Variants in JAK1 observed in about 807,000 individuals in gnomAD.
JAK1 encodes tyrosine-protein kinase JAK1.
JAK1 carries 16 observed loss-of-function variants against 136.6 expected under a neutral mutation model. The observed-to-expected ratio is 0.12, with a 90% CI of 0.08 to 0.18. JAK1 has a LOEUF of 0.18. JAK1 is among the 10% of genes least tolerant of loss of function. JAK1 has a pLI of 1.00. For synonymous variants in JAK1, 492 were observed against 519.5 expected (o/e 0.95, Z 0.72); for missense variants, 859 against 1,450.1 (o/e 0.59, Z 6.62).
intron 1 of JAK1, among the ~76,000 whole-genome samples, chr1:65,060,645 C>A (rs1388174420): frequency 6.6e-6 from 1 of 152,018 alleles, no homozygotes; most frequent in Non-Finnish European, 1.5e-5. Flanking sequence ...TCCCTAATAA[C>A]AAGCAGCAAA....
chr1:64,891,429 T>C (rs1292707470), intron 1 of JAK1, among the ~76,000 whole-genome samples: 1 of 152,174 alleles, frequency 6.6e-6, no homozygotes, highest in African/African-American at 2.4e-5. Flanking sequence ...CTTCCTTCTG[T>C]AGACTGAAAG....
chr1:64,981,936 C>T (rs540783132), intron 2 of JAK1, among the ~76,000 whole-genome samples: 1 of 152,260 alleles, frequency 6.6e-6, no homozygotes, highest in African/African-American at 2.4e-5. Flanking sequence ...GCAAACTAAA[C>T]AAACTATCCC....
intron 1 of JAK1, among the ~76,000 whole-genome samples, chr1:64,931,700 C>T (rs1280173341): frequency 1.3e-5 from 2 of 152,080 alleles, no homozygotes; most frequent in African/African-American, 4.8e-5. Context: ...CTCTGCCTAT[C>T]AAAACTCTGT....
At chr1:64,839,052 A>G (rs984435948) in intron 20 of JAK1, among the ~76,000 whole-genome samples, 2 of 147,770 alleles carry the variant, frequency 1.4e-5, no homozygotes, top group Non-Finnish European at 3.0e-5. Flanking sequence ...AGGCTGAGGC[A>G]GGAGAATGGC....
At chr1:64,874,115 T>C (rs1007523474) in intron 4 of JAK1, among the ~76,000 whole-genome samples, 3 of 152,192 alleles carry the variant, frequency 2.0e-5, no homozygotes, top group African/African-American at 7.2e-5. Flanking sequence ...TTATGTTATT[T>C]AATCTTCACA....
intron 17 of JAK1, among the ~76,000 whole-genome samples, chr1:64,842,077 C>T (rs534579966): frequency 6.6e-6 from 1 of 152,212 alleles, no homozygotes; most frequent in Admixed American, 6.5e-5. Context: ...AAACAATTAA[C>T]TCTTACATTA....
chr1:65,045,320 T>C (rs1647174879), intron 1 of JAK1, among the ~76,000 whole-genome samples: 1 of 152,240 alleles, frequency 6.6e-6, no homozygotes, highest in African/African-American at 2.4e-5. Context: ...GTGAAGGGTT[T>C]TTTTTTCTCC....
chr1:64,918,213 G>T (rs1645432898), intron 1 of JAK1, among the ~76,000 whole-genome samples: 1 of 152,122 alleles, frequency 6.6e-6, no homozygotes, highest in Non-Finnish European at 1.5e-5. Flanking sequence ...CTGAATGGTG[G>T]ATACATAGGT....
Position 64,873,518 on chromosome 1 carries a change from T to C in JAK1, c.335A>G (p.Tyr112Cys), listed in dbSNP as rs747503301. ...GTTGGTTCCATGCCAATTGGTGAAA[T>C]AGAACCTGGAAGGCAGGAAAATGAA... ...SLRLHYRMRFYFTNWHGTNDN... is the reference protein window; with the variant it reads ...SLRLHYRMRFCFTNWHGTNDN... Residue 112 changes from tyrosine to cysteine, a missense_variant, in exon 5 of 25, where the codon TAT (tyrosine) becomes TGT (cysteine). Coordinates refer to ENST00000342505, the MANE Select transcript of JAK1 (RefSeq NM_002227.4). 3 of 1,614,046 alleles carry C rather than the reference T, an allele frequency of 1.9e-6. No individual in the cohort carries two copies. Among genetic ancestry groups the C allele is most frequent in the East Asian group, 4.5e-5 (2 of 44,864 alleles).
At chr1:64,968,861 G>A (rs1569782378), upstream of JAK1, among the ~76,000 whole-genome samples, 2 of 149,390 alleles carry the variant, frequency 1.3e-5, no homozygotes, top group East Asian at 4.0e-4. Flanking sequence ...GAAGCCGGGA[G>A]GCAGAGTTTG....
At chr1:64,937,536 C>T (rs1038786798) in intron 1 of JAK1, among the ~76,000 whole-genome samples, 3 of 152,164 alleles carry the variant, frequency 2.0e-5, no homozygotes, top group Admixed American at 1.3e-4. Context: ...TGTTAAACTT[C>T]AATTATACAA....
At chr1:65,009,757 C>T (rs1024476151) in intron 2 of JAK1, among the ~76,000 whole-genome samples, 5 of 152,172 alleles carry the variant, frequency 3.3e-5, no homozygotes, top group African/African-American at 1.2e-4. Flanking sequence ...GATGAGGAAA[C>T]TGAAGTACAG....
At chr1:64,986,846 T>C (rs532284078) in intron 2 of JAK1, among the ~76,000 whole-genome samples, 1 of 152,156 alleles carries the variant, frequency 6.6e-6, no homozygotes, top group African/African-American at 2.4e-5. Context: ...CCCTCCAGCC[T>C]GGGTGACAGA....
chr1:65,039,681 C>T (rs973497338), intron 2 of JAK1, among the ~76,000 whole-genome samples: 2 of 152,164 alleles, frequency 1.3e-5, no homozygotes, highest in Admixed American at 6.5e-5. Flanking sequence ...CAGTGGTGAT[C>T]TTACTGTCAA....
At chr1:65,020,911 A>C (rs1646932198) in intron 2 of JAK1, among the ~76,000 whole-genome samples, 1 of 152,188 alleles carries the variant, frequency 6.6e-6, no homozygotes. Flanking sequence ...GAAAGCCTTT[A>C]TTAGAACCAG....
intron 12 of JAK1, chr1:64,848,257 G>A (rs1251685027): frequency 6.6e-6 from 1 of 152,482 alleles, no homozygotes; most frequent in African/African-American, 2.4e-5. Context: ...CAGGCACACG[G>A]GGGGATGCGT....
At chr1:64,867,925 A>T (rs1656805532) in intron 6 of JAK1, among the ~76,000 whole-genome samples, 1 of 152,082 alleles carries the variant, frequency 6.6e-6, no homozygotes, top group African/African-American at 2.4e-5. Context: ...GGGAGGCCAA[A>T]GTTGCGGTGA....
chr1:65,056,855 C>T (rs1374160447), intron 1 of JAK1, among the ~76,000 whole-genome samples: 1 of 147,306 alleles, frequency 6.8e-6, no homozygotes, highest in Non-Finnish European at 1.5e-5. Context: ...CCCCGGGAGG[C>T]AGAGGTTGCA....
At chr1:65,032,438 C>T (rs1352385239) in intron 2 of JAK1, among the ~76,000 whole-genome samples, 1 of 152,096 alleles carries the variant, frequency 6.6e-6, no homozygotes, top group African/African-American at 2.4e-5. Flanking sequence ...TTGTTTACAG[C>T]GAGCCCTTTT....
Sources: gnomAD v4.1 joint callset for allele counts (sites outside exome capture counted in the v4.1 genomes callset) on GRCh38, gnomAD v4.1.1 for gene constraint, MANE v1.5 for transcripts, NCBI Gene and HGNC (gene_info 2026-07-23, HGNC 2026-07-21) for gene names.